PLEC: variants seen among roughly 807,000 people sequenced by gnomAD.
PLEC encodes the protein plectin.
A neutral mutation model predicts 392.8 loss-of-function variants in PLEC; 216 were observed. That is an observed-to-expected ratio of 0.55 (90% CI 0.49 to 0.62). The LOEUF (loss-of-function observed/expected upper bound fraction) is 0.62, where lower values mean the gene tolerates loss of function less well. PLEC is among the 20% of genes least tolerant of loss of function. PLEC has a pLI of 0.00. For missense variants in PLEC, 6,863 were observed against 6,563.4 expected, an observed-to-expected ratio of 1.05 and a Z score of -1.58; for synonymous variants, 3,621 against 2,980.6, an observed-to-expected ratio of 1.21 and a Z score of -7.00.
rs782774075 is a variant in PLEC at position 143,922,621 on chromosome 8, G to A, written c.7308C>T (p.Ile2436=). ...EKVTLVQTLE[I]QRQQSDHDAE... ...CATCATGGTCACTCTGCTGTCGCTG[G>A]ATCTCCAGTGTCTGCACCAGGGTCA... The change falls in exon 31 of 32, where the codon ATC becomes ATT. Residue 2436 remains isoleucine, a synonymous_variant. Transcript: ENST00000345136. The A allele has an allele frequency of 2.3e-5, 37 of 1,613,486 alleles. No homozygotes were observed. Among genetic ancestry groups the A allele is most frequent in the Non-Finnish European group, 2.9e-5 (34 of 1,179,980 alleles).
intron 25 of PLEC, among the ~76,000 whole-genome samples, chr8:143,928,592 G>C (rs1031344131): frequency 9.5e-6 from 1 of 104,776 alleles, no homozygotes; most frequent in African/African-American, 6.9e-5. Context: ...AGTAGACAGC[G>C]GGTGGACCTG....
Position 143,922,048 on chromosome 8 carries a change from G to T in PLEC, c.7773C>A (p.Asn2591Lys), listed in dbSNP as rs949718803. The T allele has an allele frequency of 2.5e-6, 4 of 1,593,930 alleles. No individual in the cohort carries two copies. Among genetic ancestry groups the T allele is most frequent in the Non-Finnish European group, 3.4e-6 (4 of 1,178,200 alleles). Residue 2591 changes from asparagine (N) to lysine (K), a missense_variant, in exon 32 of 32, where the codon AAC becomes AAA. Physicochemically the swap from Asn to Lys is moderately conservative, Grantham distance 94. Coordinates refer to ENST00000345136, the MANE Select transcript of PLEC (RefSeq NM_201384.3). ...GCTGCAGCTGCTCACGCAGCCTCTG[G>T]TTCTCCTCAGCCAGCAGCTCCTCCT... ...RQQEELLAEE[N>K]QRLREQLQLL...
rs782809876 is a variant in PLEC, at chr8:143,922,215, G to A, written c.7606C>T (p.Arg2536Trp). The A allele has an allele frequency of 1.4e-5, 22 of 1,563,858 alleles. No individual in the cohort carries two copies. The highest frequency in any genetic ancestry group is 1.3e-4 in the South Asian group (11 of 87,434). The part of the protein sequence containing the change: ...KAQQLREEQQ[R>W]QQQQMEQERQ... Reference sequence around the variant, plus strand: ...TCCTGCTCCATCTGCTGCTGCTGCCGCTGCTGCTCCTCACGCAGCTGCTGT... The same window carrying A: ...TCCTGCTCCATCTGCTGCTGCTGCCACTGCTGCTCCTCACGCAGCTGCTGT... The change falls in exon 32 of 32, where the codon CGG becomes TGG. Residue 2536 changes from arginine (R) to tryptophan (W), a missense_variant. Coordinates refer to ENST00000345136, the MANE Select transcript of PLEC (RefSeq NM_201384.3).
In PLEC at chr8:143,939,433, T is replaced by A. The variant is rs1554726715; in HGVS notation, c.29A>T (p.Gln10Leu). 6.2e-7 allele frequency: 1 copy of A among 1,612,364 alleles called. No individual in the cohort carries two copies. Residue 10 changes from glutamine to leucine, a missense_variant, in exon 1 of 32, where the codon CAG (glutamine) becomes CTG (leucine). Coordinates refer to ENST00000345136, the MANE Select transcript of PLEC (RefSeq NM_201384.3). MSQHQLRVP[Q>L]PEGLGRKRTS... Reference sequence around the variant, plus strand: ...TCTCTTTCGGCCCAGGCCCTCGGGCTGCGGCACGCGGAGCTGGTGCTGAGA... The same window carrying A: ...TCTCTTTCGGCCCAGGCCCTCGGGCAGCGGCACGCGGAGCTGGTGCTGAGA...
chr8:143,950,956 G>A (rs963239190), upstream of PLEC: 47 of 728,536 alleles, frequency 6.5e-5, no homozygotes, highest in Non-Finnish European at 8.0e-5. Flanking sequence ...CCAGGACGCC[G>A]GGCCGGCCCC....
At chr8:143,971,441 G>T (rs1833425944) in intron 1 of PLEC, among the ~76,000 whole-genome samples, 1 of 152,130 alleles carries the variant, frequency 6.6e-6, no homozygotes. Flanking sequence ...GGGGTGCCAT[G>T]CCCTCCCACA....
rs782341944 is a variant in PLEC at position 143,917,130 on chromosome 8, C to T, written c.12691G>A (p.Glu4231Lys). The T allele has an allele frequency of 1.4e-5, 22 of 1,604,324 alleles. No individual in the cohort carries two copies. Among genetic ancestry groups the T allele is most frequent in the Non-Finnish European group, 1.7e-5 (20 of 1,172,480 alleles). ...QYRAGTLSIT[E>K]FADMLSGNAG... is the part of the protein sequence containing the mutation. ...TTGCCCGAGAGCATGTCGGCGAACT[C>T]GGTGATGGAGAGCGTGCCGGCGCGG... is the stretch of plus-strand genomic sequence containing the variant. The change falls in exon 32 of 32, where the codon GAG becomes AAG. Residue 4231 changes from glutamate (E) to lysine (K), a missense_variant. By Grantham distance (56) the Glu-to-Lys change is moderately conservative. Transcript: ENST00000345136.
rs371155701 is a variant in PLEC, at chr8:143,932,133, C to T, written c.2079G>A (p.Val693=). 3.8e-5 allele frequency: 61 copies of T among 1,610,590 alleles called. No individual in the cohort carries two copies. Among genetic ancestry groups the T allele is most frequent in the Non-Finnish European group, 5.1e-5 (60 of 1,179,512 alleles). ...GCCCCTACCCAGGGAGCCCCACCTC[C>T]ACCGTGGGCCGGGCCGGGTGGTCCT... ...LREDHPARPT[V]ESFQAALQTQ... is the part of the protein sequence containing the mutation. The change falls in exon 17 of 32, where the codon GTG becomes GTA. Residue 693 remains valine (V), a synonymous_variant. Transcript: ENST00000345136.
rs1166970218 is a variant in PLEC at position 143,969,851 on chromosome 8, C to T, written c.70+3552G>A. Among the ~76,000 whole-genome samples the T allele has an allele frequency of 1.5e-5, 2 of 131,926 alleles. No individual in the cohort carries two copies. Among genetic ancestry groups the T allele is most frequent in the African/African-American group, 2.9e-5 (1 of 34,936 alleles). The allele number at this position is 131,926 out of a possible 152,430, so 86.5% of individuals were successfully genotyped here. ...AGGGCAGCAGGGGTGAGAATGAGGCCGGGGTGAGTACCGTTGGTGAGTGGG... is the reference window on the plus strand; with the variant it reads ...AGGGCAGCAGGGGTGAGAATGAGGCTGGGGTGAGTACCGTTGGTGAGTGGG... On this transcript the variant is annotated intron_variant, in intron 1 of 31. Transcript: ENST00000356346. This position sits in a 1 kb window ranked among gnomAD's most constrained non-coding sequence, Gnocchi z 5.1.
At chr8:143,940,429 G>A (rs782471416), upstream of PLEC, among the ~76,000 whole-genome samples, 13 of 152,242 alleles carry the variant, frequency 8.5e-5, no homozygotes, top group Non-Finnish European at 1.3e-4. Context: ...ACCTGAGGCA[G>A]GACCTGGGCG....
Position 143,932,242 on chromosome 8 carries a change from C to T in PLEC, c.1978-8G>A, listed in dbSNP as rs1554716606. The T allele has an allele frequency of 6.2e-7, 1 of 1,612,024 alleles. No individual in the cohort carries two copies. Among genetic ancestry groups the T allele is most frequent in the Non-Finnish European group, 8.5e-7 (1 of 1,179,824 alleles). ...CAGCTCCCGCATCAGCGCCTGGCAC[C>T]AGAGCAAAGGGTCTCAGGGACGGCC... On this transcript the variant is annotated splice_polypyrimidine_tract_variant and splice_region_variant and intron_variant, in intron 16 of 31. Coordinates refer to ENST00000345136, the MANE Select transcript of PLEC (RefSeq NM_201384.3).
At chr8:143,929,861 C>A in intron 22 of PLEC, 32 bp from the exon 23 acceptor site, 1 of 1,599,958 alleles carries the variant, frequency 6.3e-7, no homozygotes. Flanking sequence ...GAGTGCCGGG[C>A]GAGGCGGCCG....
In PLEC at chr8:143,917,383, G is replaced by A. The variant is rs781866639; in HGVS notation, c.12438C>T (p.Pro4146=). 9 of 1,611,462 alleles carry A rather than the reference G, an allele frequency of 5.6e-6. No homozygotes were observed. Among genetic ancestry groups the A allele is most frequent in the Admixed American group, 5.0e-5 (3 of 59,998 alleles). The part of the protein sequence containing the change: ...VRKRRVVIVD[P]ETGKEMSVYE... ...ACACTGACATCTCCTTGCCCGTCTC[G>A]GGGTCCACGATGACCACTCGGCGCT... Residue 4146 remains proline (P), a synonymous_variant, in exon 32 of 32, where the codon CCC becomes CCT. Transcript: ENST00000345136.
chr8:143,968,529 C>CAAAAAAAAAAAAAAAAAA (rs57468544), intron 1 of PLEC, among the ~76,000 whole-genome samples: 2 of 63,700 alleles, frequency 3.1e-5, no homozygotes, highest in Non-Finnish European at 5.7e-5. Flanking sequence ...AACTCCATCT[C>CAAAAAAAAAAAAAAAAAA]AAAAAAAAAA....
rs1827628938 is a variant in PLEC at position 143,932,465 on chromosome 8, C to T, written c.1912G>A (p.Glu638Lys). The stretch of plus-strand genomic sequence containing the variant: ...TCGCTCCAGTCGAAGCCCACCTCCT[C>T]CTCCTCCTTCTCATTCAGCCACATT... ...ELMWLNEKEE[E>K]EVGFDWSDRN... Residue 638 changes from glutamate (E) to lysine (K), a missense_variant, in exon 16 of 32, where the codon GAG becomes AAG. Glu to Lys is a moderately conservative substitution (Grantham distance 56). Coordinates refer to ENST00000345136, the MANE Select transcript of PLEC (RefSeq NM_201384.3). 2 of 1,612,814 alleles carry T rather than the reference C, an allele frequency of 1.2e-6. No homozygotes were observed. The highest frequency in any genetic ancestry group is 1.6e-4 in the Middle Eastern group (1 of 6,062).
rs573854825 is a variant in PLEC, at chr8:143,964,706, T to C, written c.70+8697A>G. On this transcript the variant is annotated intron_variant, in intron 1 of 31. Coordinates refer to the PLEC transcript ENST00000356346. ...GGCACATTCTCTGGGGGTATCTGTA[T>C]TCTGTAAACAACCATGCATTCTTGT... Among the ~76,000 whole-genome samples the C allele has an allele frequency of 8.5e-5, 13 of 152,270 alleles. No individual in the cohort carries two copies. In the South Asian group the frequency reaches 2.5e-3, roughly 29 times the overall value.
rs1218293790 is a variant in PLEC, at chr8:143,928,591, C to A, written c.3260+512G>T. Among the ~76,000 whole-genome samples the A allele has an allele frequency of 1.9e-5, 2 of 103,102 alleles. 1 individual carries two copies. The highest frequency in any genetic ancestry group is 1.4e-4 in the African/African-American group (2 of 14,074). 67.6% of individuals were successfully genotyped at this position (103,102 alleles called of 152,430 possible). ...TGCTGGTTCTGTGAGGAGTAGACAG[C>A]GGGTGGACCTGTGGTTTGCAACACA... On this transcript the variant is annotated intron_variant, in intron 25 of 31. Transcript: ENST00000345136.
At chr8:143,975,743 A>C (rs1833639461), upstream of PLEC, among the ~76,000 whole-genome samples, 1 of 151,076 alleles carries the variant, frequency 6.6e-6, no homozygotes, top group African/African-American at 2.4e-5. The surrounding 1 kb of genome is among the most constrained non-coding windows in gnomAD (Gnocchi z 9.9). Context: ...TTAGTCACCC[A>C]CACCCCACCC....
intron 1 of PLEC, among the ~76,000 whole-genome samples, chr8:143,965,403 T>C (rs923253760): frequency 1.7e-4 from 14 of 82,526 alleles, no homozygotes; most frequent in Non-Finnish European, 2.7e-4. Flanking sequence ...TTCCACCGTC[T>C]GAACGCGTGT....
Sources: gnomAD v4.1 joint callset for allele counts (sites outside exome capture counted in the v4.1 genomes callset) on GRCh38, gnomAD v4.1.1 for gene constraint, Gnocchi (gnomAD v3.1) non-coding constraint, MANE v1.5 for transcripts, NCBI Gene and HGNC (gene_info 2026-07-23, HGNC 2026-07-21) for gene names.